The following EYA2 variants were observed in gnomAD, a reference collection of about 807,000 sequenced individuals.
The protein encoded by EYA2 is protein phosphatase EYA2.
In EYA2, 31 loss-of-function variants were observed where a neutral mutation model predicts 69.2. The ratio of observed to expected loss-of-function variants is 0.45; its 90% confidence interval spans 0.34 to 0.60. The LOEUF (loss-of-function observed/expected upper bound fraction) is 0.60, where lower values mean the gene tolerates loss of function less well. Ranked by LOEUF, EYA2 falls within the 20% of genes least tolerant of loss-of-function variation. The probability of loss-of-function intolerance (pLI) is 0.02; values close to 1 mark genes in which losing one functional copy is unlikely to be tolerated. For synonymous variants in EYA2, 257 were observed against 279.4 expected (o/e 0.92, Z 0.80); for missense variants, 622 against 701.2 (o/e 0.89, Z 1.28).
intron 5 of EYA2, among the ~76,000 whole-genome samples, chr20:47,062,407 G>A (rs1264139534): frequency 6.6e-6 from 1 of 152,176 alleles, no homozygotes. Flanking sequence ...TTCGCAGGGA[G>A]GTCACCCCGG....
chr20:47,173,012 G>A (rs369617748), intron 12 of EYA2, 145 bp downstream of exon 12: 17 of 864,240 alleles, frequency 2.0e-5, no homozygotes, highest in Admixed American at 3.2e-5. Context: ...GACACCCTTC[G>A]GAATAGAGCA....
At chr20:46,973,474 G>T (rs1980263854) in intron 1 of EYA2, among the ~76,000 whole-genome samples, 1 of 152,220 alleles carries the variant, frequency 6.6e-6, no homozygotes, top group Admixed American at 6.5e-5. Flanking sequence ...ATTGAATGTG[G>T]ACTGTGTTCA....
At chr20:46,908,690 C>T (rs148352532) in intron 1 of EYA2, among the ~76,000 whole-genome samples, 1 of 152,140 alleles carries the variant, frequency 6.6e-6, no homozygotes, top group South Asian at 2.1e-4. Context: ...CTCCGTGTTG[C>T]TAGGTGTTCT....
At chr20:47,129,709 CAG>C (rs1284347218) in intron 9 of EYA2, among the ~76,000 whole-genome samples, 3 of 152,192 alleles carry the variant, frequency 2.0e-5, no homozygotes, top group African/African-American at 7.2e-5. Context: ...GCCCAGCACA[CAG>C]AGGGGCTCCT....
chr20:47,112,895 G>A (rs957914992), intron 9 of EYA2, among the ~76,000 whole-genome samples: 2 of 46,652 alleles, frequency 4.3e-5, no homozygotes, highest in Non-Finnish European at 6.2e-5. Flanking sequence ...TTTTTGAGAC[G>A]GAGTCTTATT....
chr20:47,139,512 A>C (rs918216698), intron 9 of EYA2, among the ~76,000 whole-genome samples: 1 of 151,950 alleles, frequency 6.6e-6, no homozygotes, highest in African/African-American at 2.4e-5. Context: ...GGCTCACCAC[A>C]ACCTCCTCCT....
At chr20:46,937,343 CTG>C (rs1211633561) in intron 1 of EYA2, among the ~76,000 whole-genome samples, 1 of 152,202 alleles carries the variant, frequency 6.6e-6, no homozygotes, top group African/African-American at 2.4e-5. Flanking sequence ...CTTCACTTCT[CTG>C]TGTCTCATCT....
chr20:47,173,706 C>T (rs994366621), intron 12 of EYA2, among the ~76,000 whole-genome samples: 2 of 152,066 alleles, frequency 1.3e-5, no homozygotes, highest in Non-Finnish European at 2.9e-5. Context: ...TAGAGGCATG[C>T]ACCACCTGCC....
chr20:46,976,645 A>T (rs902976070), intron 1 of EYA2, among the ~76,000 whole-genome samples: 1 of 152,216 alleles, frequency 6.6e-6, no homozygotes, highest in Non-Finnish European at 1.5e-5. Flanking sequence ...GTGGCCTCCC[A>T]AAGTGTTGGG....
chr20:46,942,032 C>T (rs536328529), intron 1 of EYA2, among the ~76,000 whole-genome samples: 2 of 152,148 alleles, frequency 1.3e-5, no homozygotes, highest in Non-Finnish European at 2.9e-5. Context: ...GTTGAGGTCA[C>T]ACACGTGAGC....
At chr20:46,908,490 G>A (rs941877904) in intron 1 of EYA2, among the ~76,000 whole-genome samples, 2 of 152,200 alleles carry the variant, frequency 1.3e-5, no homozygotes, top group African/African-American at 2.4e-5. Flanking sequence ...TCCAGCTGCC[G>A]TTCTGCGTCA....
chr20:47,029,072 A>G (rs1251405321), intron 5 of EYA2, among the ~76,000 whole-genome samples: 1 of 152,262 alleles, frequency 6.6e-6, no homozygotes, highest in East Asian at 1.9e-4. Context: ...GATTCAGCCC[A>G]CAGGCTGCCA....
chr20:47,048,275 G>A (rs560167304), intron 5 of EYA2, among the ~76,000 whole-genome samples: 9 of 152,214 alleles, frequency 5.9e-5, no homozygotes, highest in Non-Finnish European at 1.0e-4. Flanking sequence ...GTGTGGCCAC[G>A]TGGAGAACAC....
At chr20:46,927,947 G>A (rs1018945808) in intron 1 of EYA2, among the ~76,000 whole-genome samples, 2 of 152,172 alleles carry the variant, frequency 1.3e-5, no homozygotes, top group Non-Finnish European at 2.9e-5. Flanking sequence ...CGAATCAATA[G>A]AACACTTAGA....
At chr20:47,054,433 C>A (rs2030500621) in intron 5 of EYA2, among the ~76,000 whole-genome samples, 1 of 152,234 alleles carries the variant, frequency 6.6e-6, no homozygotes, top group Non-Finnish European at 1.5e-5. Flanking sequence ...ATGAATCCGT[C>A]AGTTTCACTG....
chr20:47,125,268 G>A (rs1420465613), intron 9 of EYA2, among the ~76,000 whole-genome samples: 1 of 151,880 alleles, frequency 6.6e-6, no homozygotes, highest in Non-Finnish European at 1.5e-5. Context: ...TATTAGCCAG[G>A]ATGGTCTTGA....
chr20:47,077,711 G>A (rs917189103), intron 7 of EYA2, among the ~76,000 whole-genome samples: 1 of 152,168 alleles, frequency 6.6e-6, no homozygotes, highest in Non-Finnish European at 1.5e-5. Flanking sequence ...TTTTTAAAAG[G>A]TTTAGAGCTT....
chr20:47,094,231 A>T (rs1013719248), intron 8 of EYA2, among the ~76,000 whole-genome samples: 4 of 152,240 alleles, frequency 2.6e-5, no homozygotes, highest in African/African-American at 9.6e-5. Context: ...GCTGATTTTT[A>T]AAAGTTCTAT....
chr20:46,986,769 G>C (rs1981250689), intron 1 of EYA2, among the ~76,000 whole-genome samples: 1 of 152,068 alleles, frequency 6.6e-6, no homozygotes, highest in Non-Finnish European at 1.5e-5. Flanking sequence ...TAGTTCTTCT[G>C]TGAACTAATA....
Sources: gnomAD v4.1 joint callset for allele counts (sites outside exome capture counted in the v4.1 genomes callset) on GRCh38, gnomAD v4.1.1 for gene constraint, MANE v1.5 for transcripts, NCBI Gene and HGNC (gene_info 2026-07-23, HGNC 2026-07-21) for gene names.